Variants in VWDE observed in about 807,000 individuals in gnomAD.
VWDE encodes the protein von Willebrand factor D and EGF domain-containing protein.
A neutral mutation model predicts 178.4 loss-of-function variants in VWDE; 207 were observed. The observed-to-expected ratio is 1.16, with a 90% CI of 1.04 to 1.30. The LOEUF is 1.30. Among genes scored for constraint, VWDE ranks in the 50% most tolerant of loss-of-function variants. The pLI, the probability that VWDE is intolerant of heterozygous loss-of-function variation, is 0.00. For missense variants in VWDE, 2,287 were observed against 1,901.3 expected, an observed-to-expected ratio of 1.20 and a Z score of -3.77; for synonymous variants, 738 against 651.4, an observed-to-expected ratio of 1.13 and a Z score of -2.02.
At chr7:12,395,704 C>T (rs1004830741) in intron 1 of VWDE, among the ~76,000 whole-genome samples, 1 of 151,194 alleles carries the variant, frequency 6.6e-6, no homozygotes, top group African/African-American at 2.4e-5. Flanking sequence ...ATCTACTTAC[C>T]TCATTTACAG....
At chr7:12,359,728 T>A (rs1165902970) in intron 15 of VWDE, 36 bp from the exon 16 acceptor site, 1 of 1,318,422 alleles carries the variant, frequency 7.6e-7, no homozygotes, top group Non-Finnish European at 1.1e-6. Context: ...AACATCAAAG[T>A]ACAGCGTGTA....
chr7:12,356,832 A>G (rs765971189), intron 17 of VWDE, among the ~76,000 whole-genome samples: 1 of 152,244 alleles, frequency 6.6e-6, no homozygotes, highest in Non-Finnish European at 1.5e-5. Context: ...CATAATCAAA[A>G]GAAAAGTCAA....
Position 12,331,197 on chromosome 7 carries a change from T to A in VWDE, c.4759A>T (p.Ile1587Leu), listed in dbSNP as rs1490843686. 1.9e-6 allele frequency: 3 copies of A among 1,541,320 alleles called. No individual in the cohort carries two copies. The South Asian group carries it at 3.6e-5, about 18-fold the overall frequency. The change falls in exon 29 of 29, where the codon ATA becomes TTA. Residue 1587 changes from isoleucine to leucine, a missense_variant and splice_region_variant. Physicochemically the swap from Ile to Leu is conservative, Grantham distance 5 (BLOSUM62 2). Coordinates refer to ENST00000275358, the MANE Select transcript of VWDE (RefSeq NM_001135924.3). ...SGVKCEKKIQ[I>L]RRH is the part of the protein sequence containing the mutation. ...CTTGATGCTACTCAATGGCGTCTTA[T>A]CTGTAGTAGGAAGAAGGAAATTGTG... is the stretch of plus-strand genomic sequence containing the variant.
At position 12,388,451 on chromosome 7, in the gene VWDE, A is replaced by C. The variant is rs561892212; in HGVS notation, c.475+676T>G. ...CAACTCAAATGCAGCCAACAACCAA[A>C]ATGAGGGAAGTTATTCAAAATCTTT... On this transcript the variant is annotated intron_variant, in intron 3 of 28. Transcript: ENST00000275358. 1.9e-3 allele frequency among the ~76,000 whole-genome samples: 295 copies of C among 152,260 alleles called. 4 individuals carry two copies. Among genetic ancestry groups the C allele is most frequent in the African/African-American group, 6.7e-3 (279 of 41,558 alleles).
chr7:12,337,567 C>T (rs1031171879), intron 24 of VWDE, among the ~76,000 whole-genome samples: 6 of 152,072 alleles, frequency 3.9e-5, no homozygotes, highest in African/African-American at 1.4e-4. Context: ...TACAATAAAG[C>T]ATGGAATGAT....
At chr7:12,334,013 G>A (rs1780877211) in intron 27 of VWDE, among the ~76,000 whole-genome samples, 1 of 152,066 alleles carries the variant, frequency 6.6e-6, no homozygotes, top group South Asian at 2.1e-4. Context: ...GAAGTTTAAT[G>A]TGAAATAACT....
chr7:12,332,955 T>A (rs1780806264), intron 28 of VWDE, among the ~76,000 whole-genome samples: 1 of 112,102 alleles, frequency 8.9e-6, no homozygotes, highest in African/African-American at 4.6e-5. Context: ...TTTTGAGAGG[T>A]TTGCTGCATT....
rs1784246283 is a variant in VWDE, at chr7:12,389,113, T to C, written c.475+14A>G. ...CATGAATAACAGTCATGTGAATTACTGGTGTTTTCTTACCTTCCGCACAGT... is the reference window on the plus strand; with the variant it reads ...CATGAATAACAGTCATGTGAATTACCGGTGTTTTCTTACCTTCCGCACAGT... On this transcript the variant is annotated intron_variant, in intron 3 of 28. Transcript: ENST00000275358. 1 of 1,464,800 alleles carries C rather than the reference T, an allele frequency of 6.8e-7. No homozygotes were observed. The highest frequency in any genetic ancestry group is 2.5e-5 in the East Asian group (1 of 40,454). The allele number at this position is 1,464,800 out of a possible 1,614,324, so 90.7% of individuals were successfully genotyped here.
intron 13 of VWDE, among the ~76,000 whole-genome samples, chr7:12,361,992 G>A (rs551788408): frequency 6.6e-6 from 1 of 151,900 alleles, no homozygotes; most frequent in South Asian, 2.1e-4. Flanking sequence ...CCCTGACTAT[G>A]CTTGACTGGT....
chr7:12,346,331 A>G (rs1226420027), intron 19 of VWDE, among the ~76,000 whole-genome samples: 1 of 152,192 alleles, frequency 6.6e-6, no homozygotes, highest in Non-Finnish European at 1.5e-5. Context: ...AAGGATAGAG[A>G]CATGTGAGCC....
chr7:12,330,997 C>T lies in VWDE; in HGVS notation c.*186G>A. ...CATCTCAACATCAAATTTAGATTACCTGGATTTCTTCTTTGCTTTTCTCTA... is the reference window on the plus strand; with the variant it reads ...CATCTCAACATCAAATTTAGATTACTTGGATTTCTTCTTTGCTTTTCTCTA... On this transcript the variant is annotated 3_prime_UTR_variant, in exon 29 of 29. Coordinates refer to ENST00000275358, the MANE Select transcript of VWDE (RefSeq NM_001135924.3). 1 of 500,970 alleles carries T rather than the reference C, an allele frequency of 2.0e-6. No homozygotes were observed. The highest frequency in any genetic ancestry group is 3.3e-5 in the East Asian group (1 of 30,068). The allele number at this position is 500,970 out of a possible 1,614,324, so 31.0% of individuals were successfully genotyped here.
rs1292153157 is a variant in VWDE at position 12,334,156 on chromosome 7, T to TA, written c.4655-589dup. 1.3e-4 allele frequency among the ~76,000 whole-genome samples: 20 copies of TA among 152,260 alleles called. No individual in the cohort carries two copies. The East Asian group carries it at 3.9e-3, about 29-fold the overall frequency. On this transcript the variant is annotated intron_variant, in intron 27 of 28. Transcript: ENST00000275358. ...TCTCAATCTATTTATCATCTACCTG[T>TA]AGAAAGAAAATACTTATAATACTTA...
Position 12,361,352 on chromosome 7 carries a change from T to C in VWDE, c.3054+14A>G. The C allele has an allele frequency of 6.5e-7, 1 of 1,545,334 alleles. No individual in the cohort carries two copies. The highest frequency in any genetic ancestry group is 8.7e-7 in the Non-Finnish European group (1 of 1,144,658). ...CTTTGTTTATAAATATGAAGATGTCTTTTTATTTTTTACCTTCAACTGCCA... is the reference window on the plus strand; with the variant it reads ...CTTTGTTTATAAATATGAAGATGTCCTTTTATTTTTTACCTTCAACTGCCA... On this transcript the variant is annotated intron_variant, in intron 14 of 28. Transcript: ENST00000275358.
chr7:12,390,351 C>A (rs1784326727), intron 2 of VWDE, among the ~76,000 whole-genome samples: 2 of 151,954 alleles, frequency 1.3e-5, no homozygotes, highest in Non-Finnish European at 2.9e-5. Context: ...ACTCAACATC[C>A]TTCTCTTTTA....
At chr7:12,362,893 A>ATG (rs1381284934) in intron 13 of VWDE, among the ~76,000 whole-genome samples, 2 of 152,112 alleles carry the variant, frequency 1.3e-5, no homozygotes, top group East Asian at 3.9e-4. Context: ...ACTTAGGTGA[A>ATG]TGTACAGTCT....
Position 12,344,176 on chromosome 7 carries a change from T to A in VWDE, c.4078+19A>T, listed in dbSNP as rs560637637. 9 of 1,548,260 alleles carry A rather than the reference T, an allele frequency of 5.8e-6. No individual in the cohort carries two copies. The highest frequency in any genetic ancestry group is 5.5e-5 in the African/African-American group (4 of 73,046). ...CTATATTTTAGGCCTTATATTTGAT[T>A]TTTAATTTGAATTATCACCTTCATC... On this transcript the variant is annotated intron_variant, in intron 21 of 28. Coordinates refer to ENST00000275358, the MANE Select transcript of VWDE (RefSeq NM_001135924.3).
intron 2 of VWDE, among the ~76,000 whole-genome samples, chr7:12,391,490 C>A (rs1368902434): frequency 2.0e-5 from 3 of 152,164 alleles, no homozygotes; most frequent in Non-Finnish European, 4.4e-5. Context: ...CCTACACATT[C>A]GTGTGAGGTT....
chr7:12,340,052 C>T (rs1167562486), intron 24 of VWDE, among the ~76,000 whole-genome samples: 2 of 152,108 alleles, frequency 1.3e-5, no homozygotes, highest in Non-Finnish European at 2.9e-5. Flanking sequence ...GAGAACTTTG[C>T]TTATCTGTTT....
chr7:12,342,676 T>C (rs185962759), intron 22 of VWDE, among the ~76,000 whole-genome samples: 1,565 of 151,322 alleles, frequency 0.01, 39 homozygotes, highest in African/African-American at 0.037. Context: ...TTTCTATTAT[T>C]ATGATTATTA....
Sources: gnomAD v4.1 joint callset for allele counts (sites outside exome capture counted in the v4.1 genomes callset) on GRCh38, gnomAD v4.1.1 for gene constraint, MANE v1.5 for transcripts, NCBI Gene and HGNC (gene_info 2026-07-23, HGNC 2026-07-21) for gene names.